Variants in PHACTR1 observed in about 807,000 individuals in gnomAD.
PHACTR1 encodes the protein RPEL repeat containing 1.
PHACTR1 carries 16 observed loss-of-function variants against 69.2 expected under a neutral mutation model. That is an observed-to-expected ratio of 0.23 (90% confidence interval 0.16 to 0.35). The LOEUF (loss-of-function observed/expected upper bound fraction) is 0.35, where lower values mean the gene tolerates loss of function less well. Ranked by LOEUF, PHACTR1 falls within the 10% of genes least tolerant of loss-of-function variation. The pLI is 1.00. For synonymous variants in PHACTR1, 312 were observed against 284.5 expected (o/e 1.10, Z -0.97); for missense variants, 510 against 734.7 (o/e 0.69, Z 3.54).
At chr6:12,988,909 C>T in intron 4 of PHACTR1, among the ~76,000 whole-genome samples, 1 of 152,224 alleles carries the variant, frequency 6.6e-6, no homozygotes, top group East Asian at 1.9e-4. Flanking sequence ...GTGCAAGGTA[C>T]CGTCAGTGTG....
intron 4 of PHACTR1, among the ~76,000 whole-genome samples, chr6:12,848,656 T>G (rs1471279919): frequency 1.3e-5 from 2 of 152,192 alleles, no homozygotes; most frequent in Admixed American, 1.3e-4. Context: ...AACATTTCAG[T>G]GTTACTGATC....
intron 4 of PHACTR1, among the ~76,000 whole-genome samples, chr6:13,045,252 C>G (rs571057137): frequency 6.6e-6 from 1 of 152,280 alleles, no homozygotes; most frequent in South Asian, 2.1e-4. Context: ...ATATATAGCC[C>G]TCGCTCACAA....
chr6:13,110,594 G>C (rs2127902652), intron 5 of PHACTR1, among the ~76,000 whole-genome samples: 1 of 152,226 alleles, frequency 6.6e-6, no homozygotes, highest in Non-Finnish European at 1.5e-5. Context: ...AGTTACCCTG[G>C]TATCCTTGTG....
In PHACTR1 at chr6:12,951,451, A is replaced by G. The variant is rs187819828; in HGVS notation, c.251-101914A>G. ...AAAATAAACTCATTTTTAAGATAAT[A>G]AAAGAAAAGGGGGGAGTTATAATCT... On this transcript the variant is annotated intron_variant, in intron 4 of 14. Coordinates refer to ENST00000332995, the MANE Select transcript of PHACTR1 (RefSeq NM_030948.6). Among the ~76,000 whole-genome samples the G allele has an allele frequency of 1.9e-3, 286 of 152,324 alleles. 1 individual carries two copies. Among genetic ancestry groups the G allele is most frequent in the Non-Finnish European group, 3.5e-3 (241 of 68,026 alleles).
At chr6:13,039,305 T>C (rs182280807) in intron 4 of PHACTR1, among the ~76,000 whole-genome samples, 1 of 152,342 alleles carries the variant, frequency 6.6e-6, no homozygotes, top group Admixed American at 6.5e-5. Context: ...TTTACTCCTC[T>C]TGCACACAGT....
At chr6:12,882,473 A>G (rs1434729504) in intron 4 of PHACTR1, among the ~76,000 whole-genome samples, 5 of 152,148 alleles carry the variant, frequency 3.3e-5, no homozygotes, top group African/African-American at 9.7e-5. Context: ...AAATATAAAA[A>G]TACAAAAAAA....
In PHACTR1 at chr6:12,802,336, A is replaced by G. The variant is rs548179207; in HGVS notation, c.250+52546A>G. Among the ~76,000 whole-genome samples the G allele has an allele frequency of 3.2e-4, 49 of 152,180 alleles. 1 individual carries two copies. Among genetic ancestry groups the G allele is most frequent in the African/African-American group, 1.2e-3 (49 of 41,546 alleles). ...CCTCATTGGCAATTTACTATAACGTAAAAGAAAAAGGAACAGTCTTAGGAA... is the reference window on the plus strand; with the variant it reads ...CCTCATTGGCAATTTACTATAACGTGAAAGAAAAAGGAACAGTCTTAGGAA... On this transcript the variant is annotated intron_variant, in intron 4 of 14. Coordinates refer to ENST00000332995, the MANE Select transcript of PHACTR1 (RefSeq NM_030948.6).
Position 12,947,967 on chromosome 6 carries a change from A to G in PHACTR1, c.251-105398A>G, listed in dbSNP as rs528044506. On this transcript the variant is annotated intron_variant, in intron 4 of 14. Coordinates refer to ENST00000332995, the MANE Select transcript of PHACTR1 (RefSeq NM_030948.6). ...AATATATAAATGAATAAGTGAATGA[A>G]CAAGTAATCTATAATGTTATTTCCA... Among the ~76,000 whole-genome samples, 6 of 152,374 alleles carry G rather than the reference A, an allele frequency of 3.9e-5. No homozygotes were observed. The South Asian group carries it at 1.2e-3, about 32-fold the overall frequency.
rs200039724 is a variant in PHACTR1 at position 12,882,964 on chromosome 6, G to A, written c.250+133174G>A. Among the ~76,000 whole-genome samples, 5 of 152,288 alleles carry A rather than the reference G, an allele frequency of 3.3e-5. No individual in the cohort carries two copies. In the East Asian group the frequency reaches 9.6e-4, roughly 29 times the overall value. ...GGGGCTCCAGCACCTTCCTGCAAAGGTCTTTAAAAGCACCTGTTTGGAGGA... is the reference window on the plus strand; with the variant it reads ...GGGGCTCCAGCACCTTCCTGCAAAGATCTTTAAAAGCACCTGTTTGGAGGA... On this transcript the variant is annotated intron_variant, in intron 4 of 14. Transcript: ENST00000332995.
chr6:12,748,808 T>C (rs1170009779), intron 3 of PHACTR1, among the ~76,000 whole-genome samples: 2 of 152,178 alleles, frequency 1.3e-5, no homozygotes, highest in Non-Finnish European at 2.9e-5. Flanking sequence ...ACCCAGAAGT[T>C]AGTGGTTAGA....
chr6:12,814,771 G>A (rs760223488), intron 4 of PHACTR1, among the ~76,000 whole-genome samples: 6 of 152,172 alleles, frequency 3.9e-5, no homozygotes, highest in African/African-American at 9.7e-5. Context: ...GAGACAATAT[G>A]TTTTAATTGT....
intron 4 of PHACTR1, among the ~76,000 whole-genome samples, chr6:12,914,953 G>A (rs1306010559): frequency 1.3e-5 from 2 of 152,140 alleles, no homozygotes; most frequent in Non-Finnish European, 1.5e-5. Flanking sequence ...ACAGTCACTC[G>A]GCAGCAGGAA....
At chr6:12,766,218 T>C (rs1033880116) in intron 4 of PHACTR1, among the ~76,000 whole-genome samples, 28 of 152,198 alleles carry the variant, frequency 1.8e-4, no homozygotes, top group African/African-American at 6.3e-4. Flanking sequence ...GTCCTGAGAA[T>C]ATAAACTTGG....
intron 5 of PHACTR1, among the ~76,000 whole-genome samples, chr6:13,072,688 T>C (rs976464469): frequency 5.9e-5 from 9 of 152,338 alleles, no homozygotes; most frequent in Non-Finnish European, 7.4e-5. Flanking sequence ...TATGTGTTTC[T>C]TTTCTTTATT....
At chr6:13,160,896 T>C (rs767427606) in intron 6 of PHACTR1, among the ~76,000 whole-genome samples, 2 of 152,236 alleles carry the variant, frequency 1.3e-5, no homozygotes, top group Non-Finnish European at 2.9e-5. Context: ...TTATTGCCTT[T>C]GAATATGAAC....
intron 3 of PHACTR1, among the ~76,000 whole-genome samples, chr6:12,735,685 T>C (rs1764145945): frequency 6.6e-6 from 1 of 152,230 alleles, no homozygotes; most frequent in Non-Finnish European, 1.5e-5. Flanking sequence ...AAGCTAGGTA[T>C]TCACACTTTA....
At chr6:13,133,005 A>G (rs1157689079) in intron 5 of PHACTR1, among the ~76,000 whole-genome samples, 1 of 152,154 alleles carries the variant, frequency 6.6e-6, no homozygotes, top group East Asian at 1.9e-4. Flanking sequence ...AGTCCTCTCA[A>G]ACCCTGCTGC....
At chr6:13,257,689 CCT>C (rs1775368770) in intron 10 of PHACTR1, among the ~76,000 whole-genome samples, 1 of 152,098 alleles carries the variant, frequency 6.6e-6, no homozygotes, top group South Asian at 2.1e-4. Context: ...TGCTCAGTGA[CCT>C]CTGTCTTGTC....
chr6:13,107,862 A>G (rs904677475), intron 5 of PHACTR1, among the ~76,000 whole-genome samples: 6 of 152,090 alleles, frequency 3.9e-5, no homozygotes, highest in Non-Finnish European at 7.4e-5. Flanking sequence ...AAGAAAATGA[A>G]TGAATGAACA....
Sources: allele counts gnomAD v4.1 joint callset (sites outside exome capture counted in the v4.1 genomes callset), GRCh38; gene constraint gnomAD v4.1.1; transcripts MANE v1.5; gene names NCBI Gene and HGNC (gene_info 2026-07-23, HGNC 2026-07-21).